Variants in TNFRSF10D observed in about 807,000 individuals in gnomAD.
TNFRSF10D encodes the protein TNF receptor superfamily member 10d, also known as tumor necrosis factor receptor superfamily member 10D.
TNFRSF10D carries 28 observed loss-of-function variants against 42.1 expected under a neutral mutation model. The ratio of observed to expected loss-of-function variants is 0.66; its 90% CI spans 0.49 to 0.91. The LOEUF (loss-of-function observed/expected upper bound fraction) is 0.91. Among genes scored for constraint, TNFRSF10D ranks in the 40% least tolerant of loss-of-function variants. TNFRSF10D has a pLI of 0.00. For synonymous variants in TNFRSF10D, 186 were observed against 189.4 expected (o/e 0.98, Z 0.15); for missense variants, 503 against 486.1 (o/e 1.03, Z -0.33).
At position 23,144,929 on chromosome 8, in the gene TNFRSF10D, T is replaced by A. The variant is rs962875957; in HGVS notation, c.768+129A>T. 3.6e-6 allele frequency: 5 copies of A among 1,391,972 alleles called. No individual in the cohort carries two copies. In the African/African-American group the frequency reaches 4.3e-5, roughly 12 times the overall value. 86.2% of individuals were successfully genotyped at this position (1,391,972 alleles called of 1,614,324 possible). On this transcript the variant is annotated intron_variant, in intron 6 of 8. Coordinates refer to ENST00000312584, the MANE Select transcript of TNFRSF10D (RefSeq NM_003840.5). ...GTGTGTCCCCCACAGTCAGCCCAGA[T>A]CCCCCAGGCCATGTCAGAGAGTCAG...
At chr8:23,141,710 T>C (rs1800022518) in intron 7 of TNFRSF10D, among the ~76,000 whole-genome samples, 1 of 151,350 alleles carries the variant, frequency 6.6e-6, no homozygotes, top group Admixed American at 6.6e-5. Context: ...AACAAACATA[T>C]GAAAAAATGC....
chr8:23,152,967 A>T (rs952105353), intron 2 of TNFRSF10D, among the ~76,000 whole-genome samples: 1 of 152,224 alleles, frequency 6.6e-6, no homozygotes, highest in Admixed American at 6.5e-5. Context: ...ATACTACCTG[A>T]TTCTTAAATA....
chr8:23,144,232 G>A (rs1416360925), intron 7 of TNFRSF10D, among the ~76,000 whole-genome samples: 1 of 152,144 alleles, frequency 6.6e-6, no homozygotes, highest in African/African-American at 2.4e-5. Flanking sequence ...CAGGCTCTGG[G>A]GACACAGCAA....
At chr8:23,147,752 C>T (rs995994489) in intron 3 of TNFRSF10D, among the ~76,000 whole-genome samples, 1 of 152,002 alleles carries the variant, frequency 6.6e-6, no homozygotes, top group African/African-American at 2.4e-5. Flanking sequence ...CATGGAGAAA[C>T]CCTGTCTCTA....
chr8:23,150,208 T>C (rs1014726666), intron 2 of TNFRSF10D, among the ~76,000 whole-genome samples: 1 of 152,190 alleles, frequency 6.6e-6, no homozygotes, highest in Admixed American at 6.6e-5. Context: ...CTCCAGGCCC[T>C]TCCCTGTGGA....
rs1012240530 is a variant in TNFRSF10D, at chr8:23,137,479, T to C, written c.*391A>G. ...TGACATCCTAAAACCACTTTTTTTC[T>C]TTTTAAATTGAGATGGAGTTTCACT... On this transcript the variant is annotated 3_prime_UTR_variant, in exon 9 of 9. Transcript: ENST00000312584. The C allele has an allele frequency of 6.9e-5, 11 of 159,678 alleles. No homozygotes were observed. The highest frequency in any genetic ancestry group is 6.6e-4 in the Admixed American group (11 of 16,628). The allele number at this position is 159,678 out of a possible 1,614,324, so 9.9% of individuals were successfully genotyped here.
At chr8:23,141,492 G>A (rs1296210667) in intron 7 of TNFRSF10D, among the ~76,000 whole-genome samples, 3 of 139,148 alleles carry the variant, frequency 2.2e-5, no homozygotes, top group African/African-American at 5.2e-5. Flanking sequence ...GTGACAGAGC[G>A]AGAGTACATC....
Position 23,136,992 on chromosome 8 carries a change from T to G in TNFRSF10D, c.*878A>C, listed in dbSNP as rs1722327127. ...CACTAGTTATATTTTTAGTCATTTTTGACTGCTGATTTGTATCCAGGCAAC... is the reference window on the plus strand; with the variant it reads ...CACTAGTTATATTTTTAGTCATTTTGGACTGCTGATTTGTATCCAGGCAAC... On this transcript the variant is annotated 3_prime_UTR_variant, in exon 9 of 9. Coordinates refer to ENST00000312584, the MANE Select transcript of TNFRSF10D (RefSeq NM_003840.5). 1 of 152,166 alleles carries G rather than the reference T, an allele frequency of 6.6e-6. No individual in the cohort carries two copies. The highest frequency in any genetic ancestry group is 1.5e-5 in the Non-Finnish European group (1 of 68,038). 9.4% of individuals were successfully genotyped at this position (152,166 alleles called of 1,614,324 possible).
chr8:23,148,486 C>T lies in TNFRSF10D; in HGVS notation c.322G>A (p.Ala108Thr), dbSNP rs749266965. The change falls in exon 3 of 9, where the codon GCT (alanine) becomes ACT (threonine). Residue 108 changes from alanine (A) to threonine (T), a missense_variant. Coordinates refer to ENST00000312584, the MANE Select transcript of TNFRSF10D (RefSeq NM_003840.5). The stretch of plus-strand genomic sequence containing the variant: ...AGGCAAGAAGGCAAATTGTTGGAAG[C>T]AATGGTGTAATCCACACCCTCTGTG... ...PCTEGVDYTI[A>T]SNNLPSCLLC... The T allele has an allele frequency of 6.2e-7, 1 of 1,611,046 alleles. No homozygotes were observed. Among genetic ancestry groups the T allele is most frequent in the Non-Finnish European group, 8.5e-7 (1 of 1,178,038 alleles).
In TNFRSF10D at chr8:23,146,944, C is replaced by A; in HGVS notation, c.482+17G>T. The A allele has an allele frequency of 6.2e-7, 1 of 1,606,564 alleles. No homozygotes were observed. The highest frequency in any genetic ancestry group is 8.5e-7 in the Non-Finnish European group (1 of 1,173,258). ...AGGTTCCTGAAAGCTGTTGGGAGCC[C>A]CTGGCTGCTGTCTTACCCTGTTCTA... On this transcript the variant is annotated intron_variant, in intron 4 of 8. Coordinates refer to ENST00000312584, the MANE Select transcript of TNFRSF10D (RefSeq NM_003840.5).
At chr8:23,151,355 A>G (rs1385005549) in intron 2 of TNFRSF10D, among the ~76,000 whole-genome samples, 1 of 152,208 alleles carries the variant, frequency 6.6e-6, no homozygotes, top group African/African-American at 2.4e-5. Flanking sequence ...AAAGAAAAAA[A>G]AAAACGGGGG....
Position 23,163,932 on chromosome 8 carries a change from C to G in TNFRSF10D, c.4G>C (p.Gly2Arg). 6.4e-7 allele frequency: 1 copy of G among 1,568,186 alleles called. No individual in the cohort carries two copies. The highest frequency in any genetic ancestry group is 8.6e-7 in the Non-Finnish European group (1 of 1,162,346). The change falls in exon 1 of 9, where the codon GGA becomes CGA. Residue 2 changes from glycine (G) to arginine (R), a missense_variant. Transcript: ENST00000312584. MGLWGQSVPTAS... is the reference protein window; with the variant it reads MRLWGQSVPTAS... ...GTCGGGACGCTTTGTCCCCAAAGTC[C>G]CATGAGAAGGGAGGAGGGTGGATCG...
rs1814318228 is a variant in TNFRSF10D at position 23,135,976 on chromosome 8, A to T, written c.*1894T>A. 1 of 445,760 alleles carries T rather than the reference A, an allele frequency of 2.2e-6. No homozygotes were observed. The highest frequency in any genetic ancestry group is 1.6e-5 in the South Asian group (1 of 63,062). The allele number at this position is 445,760 out of a possible 1,614,324, so 27.6% of individuals were successfully genotyped here. A position where few individuals can be genotyped will look rare whatever the true frequency, so the allele number is the denominator to read the frequency against. ...GTGTGGGACGCCAGATGGAAGTGGGAGAGGATGGAAGTGCGAAGACCGGAA... is the reference window on the plus strand; with the variant it reads ...GTGTGGGACGCCAGATGGAAGTGGGTGAGGATGGAAGTGCGAAGACCGGAA... On this transcript the variant is annotated 3_prime_UTR_variant, in exon 9 of 9. Coordinates refer to ENST00000312584, the MANE Select transcript of TNFRSF10D (RefSeq NM_003840.5).
intron 2 of TNFRSF10D, among the ~76,000 whole-genome samples, chr8:23,154,659 G>C (rs1278337020): frequency 6.6e-6 from 1 of 152,198 alleles, no homozygotes; most frequent in African/African-American, 2.4e-5. Flanking sequence ...AGGGCAAAGA[G>C]GGCTTATCCC....
In TNFRSF10D at chr8:23,155,815, T is replaced by TTCTC. The variant is rs57189946; in HGVS notation, c.151-840_151-837dup. ...TGTTTAATTGACCAGTGGGTGAATA[T>TTCTC]TCTCTCTCTCTCTCTCTCTCTCGCA... On this transcript the variant is annotated intron_variant, in intron 1 of 8. Coordinates refer to ENST00000312584, the MANE Select transcript of TNFRSF10D (RefSeq NM_003840.5). Among the ~76,000 whole-genome samples the TTCTC allele has an allele frequency of 9.7e-3, 1,452 of 150,146 alleles. 12 individuals are homozygous for TTCTC. The highest frequency in any genetic ancestry group is 0.037 in the South Asian group (176 of 4,706).
At chr8:23,143,672 G>A (rs1800065793) in intron 7 of TNFRSF10D, among the ~76,000 whole-genome samples, 1 of 152,164 alleles carries the variant, frequency 6.6e-6, no homozygotes, top group Admixed American at 6.5e-5. Flanking sequence ...GAGAAAAATA[G>A]GAGAATCAGT....
intron 1 of TNFRSF10D, among the ~76,000 whole-genome samples, chr8:23,163,194 G>A (rs575747615): frequency 1.5e-3 from 218 of 143,884 alleles, no homozygotes; most frequent in African/African-American, 5.3e-3. Flanking sequence ...CCGCCTCCCG[G>A]ATTCAAGTGA....
chr8:23,161,958 T>C (rs1397549837), intron 1 of TNFRSF10D, among the ~76,000 whole-genome samples: 2 of 152,218 alleles, frequency 1.3e-5, no homozygotes, highest in Non-Finnish European at 1.5e-5. Context: ...GGGTATTTAG[T>C]ACAATGCTGT....
Position 23,154,975 on chromosome 8 carries a change from C to A in TNFRSF10D, c.155G>T (p.Arg52Leu). 1 of 1,608,746 alleles carries A rather than the reference C, an allele frequency of 6.2e-7. No homozygotes were observed. The highest frequency in any genetic ancestry group is 2.2e-5 in the East Asian group (1 of 44,556). Residue 52 changes from arginine (R) to leucine (L), a missense_variant, in exon 2 of 9, where the codon CGG (arginine) becomes CTG (leucine). Coordinates refer to ENST00000312584, the MANE Select transcript of TNFRSF10D (RefSeq NM_003840.5). ...VFIVAVLLPV[R>L]VDSATIPRQD... ...CCGGGGGATGGTGGCAGAGTCAACCCGGACCTGTGGGGACAAGGCAGAGAT... is the reference window on the plus strand; with the variant it reads ...CCGGGGGATGGTGGCAGAGTCAACCAGGACCTGTGGGGACAAGGCAGAGAT...
Sources: gnomAD v4.1 joint callset for allele counts (sites outside exome capture counted in the v4.1 genomes callset) on GRCh38, gnomAD v4.1.1 for gene constraint, MANE v1.5 for transcripts, NCBI Gene and HGNC (gene_info 2026-07-23, HGNC 2026-07-21) for gene names.